Variants in C7orf78 observed in about 807,000 individuals in gnomAD.
The protein encoded by C7orf78 is putative uncharacterized protein C7orf78.
the C7orf78 span, chr7:12,491,227 A>G: frequency 1.8e-4 from 27 of 152,222 alleles, no homozygotes; most frequent in African/African-American, 5.8e-4. Flanking sequence ...GCTAATGCCA[A>G]TTCAAATCCT....
chr7:12,524,714 G>A, the C7orf78 span, among the ~76,000 whole-genome samples: 8 of 151,888 alleles, frequency 5.3e-5, no homozygotes, highest in African/African-American at 7.3e-5. Context: ...GTGGTAACAC[G>A]TGCCTGTAAT....
chr7:12,508,931 T>C, the C7orf78 span, among the ~76,000 whole-genome samples: 2 of 152,016 alleles, frequency 1.3e-5, no homozygotes, highest in Non-Finnish European at 2.9e-5. Flanking sequence ...AGCTCAAGGC[T>C]CCCACCAATT....
At chr7:12,499,387 C>T in the C7orf78 span, among the ~76,000 whole-genome samples, 2 of 151,560 alleles carry the variant, frequency 1.3e-5, no homozygotes, top group African/African-American at 4.8e-5. Context: ...GGAGGAAGAT[C>T]TACCAAGCAA....
At chr7:12,531,674 G>A in the C7orf78 span, among the ~76,000 whole-genome samples, 19,123 of 152,078 alleles carry the variant, frequency 0.13, 1,737 homozygotes, top group African/African-American at 0.26. Context: ...TTTCTCATCT[G>A]TAGAATGTCA....
the C7orf78 span, among the ~76,000 whole-genome samples, chr7:12,511,265 C>T: frequency 1.1e-3 from 167 of 152,116 alleles, no homozygotes; most frequent in African/African-American, 3.9e-3. Flanking sequence ...ATACCAATAC[C>T]ATGCTATTTT....
the C7orf78 span, among the ~76,000 whole-genome samples, chr7:12,523,823 G>T: frequency 1.3e-5 from 2 of 151,940 alleles, no homozygotes; most frequent in Non-Finnish European, 2.9e-5. Flanking sequence ...AGTTAAAAAG[G>T]GATATTCTAT....
At chr7:12,518,517 A>G in the C7orf78 span, among the ~76,000 whole-genome samples, 1 of 152,100 alleles carries the variant, frequency 6.6e-6, no homozygotes, top group Non-Finnish European at 1.5e-5. Context: ...TGATTGGCTG[A>G]GCAGACCCCT....
the C7orf78 span, among the ~76,000 whole-genome samples, chr7:12,492,201 G>T: frequency 1.3e-5 from 2 of 152,074 alleles, no homozygotes; most frequent in Non-Finnish European, 2.9e-5. Context: ...AAACTACTGC[G>T]ATGGTAATAC....
the C7orf78 span, among the ~76,000 whole-genome samples, chr7:12,514,738 T>C: frequency 6.6e-6 from 1 of 152,146 alleles, no homozygotes; most frequent in South Asian, 2.1e-4. Context: ...CACTTACTTA[T>C]GTTTTCATGA....
the C7orf78 span, chr7:12,483,512 T>C: frequency 6.6e-6 from 1 of 152,156 alleles, no homozygotes; most frequent in Non-Finnish European, 1.5e-5. Flanking sequence ...CTAAAGAAGA[T>C]AAACGGTGTT....
chr7:12,487,765 T>C, the C7orf78 span, among the ~76,000 whole-genome samples: 4,671 of 152,084 alleles, frequency 0.031, 114 homozygotes, highest in Non-Finnish European at 0.049. Flanking sequence ...TGAAAACAGA[T>C]TCAGTCTCCT....
chr7:12,515,373 C>G, the C7orf78 span, among the ~76,000 whole-genome samples: 1 of 152,190 alleles, frequency 6.6e-6, no homozygotes, highest in Admixed American at 6.5e-5. Flanking sequence ...TCACCTCCCA[C>G]CATAATTCTG....
the C7orf78 span, among the ~76,000 whole-genome samples, chr7:12,497,830 C>T: frequency 1.9e-4 from 29 of 150,686 alleles, no homozygotes; most frequent in African/African-American, 6.9e-4. Context: ...ACTTAAATGC[C>T]CCTGTCTGAC....
the C7orf78 span, among the ~76,000 whole-genome samples, chr7:12,511,803 G>A: frequency 2.0e-5 from 3 of 151,722 alleles, no homozygotes; most frequent in Non-Finnish European, 2.9e-5. Flanking sequence ...CCAGGCTGGA[G>A]TGCAGTGGCA....
At chr7:12,499,990 T>TAA in the C7orf78 span, among the ~76,000 whole-genome samples, 1 of 113,094 alleles carries the variant, frequency 8.8e-6, no homozygotes, top group Non-Finnish European at 1.8e-5. Context: ...ACTGGGTACA[T>TAA]AACGAAATGA....
the C7orf78 span, among the ~76,000 whole-genome samples, chr7:12,536,088 A>G: frequency 2.0e-5 from 3 of 152,106 alleles, no homozygotes; most frequent in African/African-American, 4.8e-5. Context: ...CACAGCTCCA[A>G]TAGTTGGTAC....
At chr7:12,488,446 T>C in the C7orf78 span, among the ~76,000 whole-genome samples, 3 of 152,212 alleles carry the variant, frequency 2.0e-5, no homozygotes, top group African/African-American at 7.2e-5. Flanking sequence ...AATTGTAGCT[T>C]ACTGTCAATT....
chr7:12,500,361 G>A, the C7orf78 span, among the ~76,000 whole-genome samples: 13,450 of 149,362 alleles, frequency 0.09, 746 homozygotes, highest in Non-Finnish European at 0.12. Context: ...AAAGAGAGAA[G>A]AATCAAATAG....
chr7:12,496,373 T>C, the C7orf78 span: 1 of 152,320 alleles, frequency 6.6e-6, no homozygotes, highest in East Asian at 1.9e-4. Flanking sequence ...TATTAGAAAA[T>C]TCCAAGAATG....
Sources: gnomAD v4.1 joint callset for allele counts (sites outside exome capture counted in the v4.1 genomes callset) on GRCh38, gnomAD v4.1.1 for gene constraint, MANE v1.5 for transcripts, NCBI Gene and HGNC (gene_info 2026-07-23, HGNC 2026-07-21) for gene names.